Variants in GAS2 observed in about 807,000 individuals in gnomAD.
GAS2 encodes the protein growth arrest specific 2.
GAS2 carries 20 observed loss-of-function variants against 37.5 expected under a neutral mutation model. The observed-to-expected ratio is 0.53, with a 90% confidence interval of 0.37 to 0.77. The LOEUF is 0.77. GAS2 is among the 30% of genes least tolerant of loss of function. The pLI, the probability that GAS2 is intolerant of heterozygous loss-of-function variation, is 0.00. For missense variants in GAS2, 336 were observed against 373.4 expected, an observed-to-expected ratio of 0.90 and a Z score of 0.82; for synonymous variants, 144 against 132.2, an observed-to-expected ratio of 1.09 and a Z score of -0.61.
At chr11:22,768,387 C>T (rs370679763) in intron 7 of GAS2, among the ~76,000 whole-genome samples, 122 of 152,318 alleles carry the variant, frequency 8.0e-4, no homozygotes, top group African/African-American at 2.9e-3. Flanking sequence ...TGTTATTCAT[C>T]TCCCAATTGT....
chr11:22,763,952 T>C (rs2134385002), intron 7 of GAS2, among the ~76,000 whole-genome samples: 1 of 152,330 alleles, frequency 6.6e-6, no homozygotes, highest in South Asian at 2.1e-4. Flanking sequence ...TCTTTTATGT[T>C]TTTGCTTCAC....
chr11:22,659,944 G>A (rs1481689624), intron 1 of GAS2, among the ~76,000 whole-genome samples: 2 of 151,624 alleles, frequency 1.3e-5, no homozygotes, highest in African/African-American at 4.8e-5. Flanking sequence ...AAGGAGGGAA[G>A]GGAAGGAAAG....
At chr11:22,741,132 C>T (rs769220218) in intron 5 of GAS2, among the ~76,000 whole-genome samples, 5 of 152,142 alleles carry the variant, frequency 3.3e-5, no homozygotes, top group Non-Finnish European at 4.4e-5. Flanking sequence ...AGCTCCTTTG[C>T]GAGCTGTGGG....
chr11:22,630,268 G>T (rs1340353720), intron 1 of GAS2, among the ~76,000 whole-genome samples: 1 of 152,018 alleles, frequency 6.6e-6, no homozygotes, highest in Non-Finnish European at 1.5e-5. Context: ...TCATTGTTCA[G>T]TTCCCACCTA....
chr11:22,667,964 A>G (rs1055690582), intron 1 of GAS2: 3 of 152,236 alleles, frequency 2.0e-5, no homozygotes, highest in Non-Finnish European at 2.9e-5. Context: ...TCAGTTGTGT[A>G]TGAGAGATCT....
intron 7 of GAS2, among the ~76,000 whole-genome samples, chr11:22,779,523 C>A (rs145618376): frequency 0.014 from 2,186 of 152,174 alleles, 47 homozygotes; most frequent in African/African-American, 0.05. Context: ...CATGGTGAAA[C>A]CCCATCTCTA....
intron 6 of GAS2, among the ~76,000 whole-genome samples, chr11:22,754,688 T>C (rs1296642804): frequency 6.6e-6 from 1 of 152,154 alleles, no homozygotes; most frequent in East Asian, 1.9e-4. Context: ...AACAAGTTGT[T>C]TAATTCCTTT....
At chr11:22,766,699 G>A (rs1417961875) in intron 7 of GAS2, among the ~76,000 whole-genome samples, 2 of 152,072 alleles carry the variant, frequency 1.3e-5, no homozygotes, top group Non-Finnish European at 2.9e-5. Context: ...AAATAGTTCA[G>A]TATAGTTATT....
intron 1 of GAS2, among the ~76,000 whole-genome samples, chr11:22,670,399 G>A (rs1227505792): frequency 6.6e-6 from 1 of 151,932 alleles, no homozygotes; most frequent in Non-Finnish European, 1.5e-5. Context: ...CATCTTAGGG[G>A]CAGCATTCTT....
chr11:22,716,242 A>T (rs187267944), intron 3 of GAS2, among the ~76,000 whole-genome samples: 2 of 152,330 alleles, frequency 1.3e-5, no homozygotes, highest in Admixed American at 6.5e-5. Flanking sequence ...GGAAAAATTT[A>T]AAACATTTCC....
intron 7 of GAS2, among the ~76,000 whole-genome samples, chr11:22,765,468 C>T (rs946327816): frequency 3.3e-5 from 5 of 151,920 alleles, no homozygotes; most frequent in Admixed American, 1.3e-4. Context: ...TAGGCCATTA[C>T]TGCATTGCTA....
intron 7 of GAS2, among the ~76,000 whole-genome samples, chr11:22,780,330 A>G (rs1252970588): frequency 6.6e-6 from 1 of 152,046 alleles, no homozygotes; most frequent in Non-Finnish European, 1.5e-5. Context: ...CCCCGTCTCT[A>G]CTAAAAATAC....
chr11:22,642,645 A>G (rs775548595), intron 1 of GAS2, among the ~76,000 whole-genome samples: 1 of 152,170 alleles, frequency 6.6e-6, no homozygotes, highest in Admixed American at 6.5e-5. Flanking sequence ...TCAGCAATCG[A>G]TACCAGCTGA....
At chr11:22,667,403 G>A (rs1337929610) in intron 1 of GAS2, among the ~76,000 whole-genome samples, 1 of 152,206 alleles carries the variant, frequency 6.6e-6, no homozygotes, top group Non-Finnish European at 1.5e-5. Flanking sequence ...AGGCCAGGAT[G>A]GGAGGAAAGA....
At chr11:22,760,994 T>C (rs1854364838) in intron 7 of GAS2, among the ~76,000 whole-genome samples, 1 of 152,206 alleles carries the variant, frequency 6.6e-6, no homozygotes, top group Admixed American at 6.5e-5. Flanking sequence ...TTATTTAGAC[T>C]ACAGAGAATT....
intron 7 of GAS2, among the ~76,000 whole-genome samples, chr11:22,806,150 A>C (rs1246845329): frequency 1.3e-5 from 2 of 152,118 alleles, no homozygotes; most frequent in East Asian, 3.9e-4. Flanking sequence ...CCCCTATTCA[A>C]GATGGAGTTG....
intron 1 of GAS2, among the ~76,000 whole-genome samples, chr11:22,630,848 A>G (rs1213257845): frequency 1.3e-5 from 2 of 152,092 alleles, no homozygotes; most frequent in African/African-American, 4.8e-5. Context: ...TTCCATATGA[A>G]TTTTATGATT....
intron 6 of GAS2, among the ~76,000 whole-genome samples, chr11:22,751,159 C>G (rs1422142048): frequency 6.6e-6 from 1 of 151,904 alleles, no homozygotes; most frequent in Non-Finnish European, 1.5e-5. Flanking sequence ...CCATAGCCCT[C>G]CATGTTCTGG....
chr11:22,698,527 G>A (rs1160964769), intron 3 of GAS2, among the ~76,000 whole-genome samples: 1 of 151,680 alleles, frequency 6.6e-6, no homozygotes, highest in Non-Finnish European at 1.5e-5. Context: ...TATGAGGCCA[G>A]CATCATCCTG....
Sources: gnomAD v4.1 joint callset for allele counts (sites outside exome capture counted in the v4.1 genomes callset) on GRCh38, gnomAD v4.1.1 for gene constraint, MANE v1.5 for transcripts, NCBI Gene and HGNC (gene_info 2026-07-23, HGNC 2026-07-21) for gene names.